Variants in SH3BP5 observed in about 807,000 individuals in gnomAD.
SH3BP5 encodes the protein SH3 domain-binding protein 5.
Under a neutral mutation model 43.3 loss-of-function variants are expected in SH3BP5, and 22 were observed. The ratio of observed to expected loss-of-function variants is 0.51; its 90% CI spans 0.36 to 0.73. The LOEUF (loss-of-function observed/expected upper bound fraction) is 0.73. SH3BP5 is among the 30% of genes least tolerant of loss of function. The probability of loss-of-function intolerance (pLI) is 0.00; values close to 1 mark genes in which losing one functional copy is unlikely to be tolerated. For synonymous variants in SH3BP5, 255 were observed against 225.8 expected, an observed-to-expected ratio of 1.13 and a Z score of -1.16; for missense variants, 529 against 586.9, an observed-to-expected ratio of 0.90 and a Z score of 1.02.
intron 3 of SH3BP5, among the ~76,000 whole-genome samples, chr3:15,271,073 AAATAT>A (rs1465974951): frequency 6.6e-6 from 1 of 151,728 alleles, no homozygotes; most frequent in African/African-American, 2.4e-5. Flanking sequence ...AAATTAAATT[AAATAT>A]ATTATTAAAA....
At chr3:15,334,385 A>G (rs1357120373), upstream of SH3BP5, among the ~76,000 whole-genome samples, 1 of 152,186 alleles carries the variant, frequency 6.6e-6, no homozygotes, top group Non-Finnish European at 1.5e-5. Flanking sequence ...CTAACCACAG[A>G]TAGAAAATAT....
intron 3 of SH3BP5, among the ~76,000 whole-genome samples, chr3:15,293,937 G>A (rs1396455343): frequency 6.6e-6 from 1 of 151,898 alleles, no homozygotes; most frequent in African/African-American, 2.4e-5. Flanking sequence ...AATTAGCCTG[G>A]TGTGGTGGTG....
rs916295660 is a variant in SH3BP5, at chr3:15,331,872, C to A, written c.138+399G>T. On this transcript the variant is annotated intron_variant, in intron 1 of 8. Transcript: ENST00000383791. ...ACCCGCCCACGGTGCCCGGCGCCCACGCGGGCGACACCTCCTCGCAGAGCC... is the reference window on the plus strand; with the variant it reads ...ACCCGCCCACGGTGCCCGGCGCCCAAGCGGGCGACACCTCCTCGCAGAGCC... 5.7e-5 allele frequency: 10 copies of A among 175,364 alleles called. 1 individual carries two copies. Among genetic ancestry groups the A allele is most frequent in the Non-Finnish European group, 9.6e-5 (8 of 83,380 alleles). 10.9% of individuals were successfully genotyped at this position (175,364 alleles called of 1,614,324 possible).
intron 4 of SH3BP5, among the ~76,000 whole-genome samples, chr3:15,266,446 CCT>C (rs1696648331): frequency 6.6e-6 from 1 of 152,250 alleles, no homozygotes; most frequent in Non-Finnish European, 1.5e-5. Context: ...TTTCCCTCTT[CCT>C]CTGTCTGAGC....
chr3:15,299,782 C>A (rs545310349), intron 3 of SH3BP5, among the ~76,000 whole-genome samples: 109 of 151,624 alleles, frequency 7.2e-4, no homozygotes, highest in South Asian at 4.2e-3. Flanking sequence ...TTTTAAGTAC[C>A]CTCAACTGAG....
At chr3:15,300,659 A>G (rs1447819629) in intron 3 of SH3BP5, among the ~76,000 whole-genome samples, 2 of 152,036 alleles carry the variant, frequency 1.3e-5, no homozygotes. Flanking sequence ...CAGAGATGAA[A>G]TGTGACATCT....
chr3:15,266,103 A>G (rs957233619), intron 4 of SH3BP5, among the ~76,000 whole-genome samples: 2 of 152,150 alleles, frequency 1.3e-5, no homozygotes, highest in African/African-American at 4.8e-5. Context: ...ATCTCTTCCA[A>G]CATCACAGAG....
At chr3:15,272,557 G>GGAGATTTGATGATACCTCA (rs1559432604) in intron 3 of SH3BP5, among the ~76,000 whole-genome samples, 1 of 101,932 alleles carries the variant, frequency 9.8e-6, no homozygotes, top group African/African-American at 5.0e-5. Context: ...AGTGCCTGTA[G>GGAGATTTGATGATACCTCA]GATAAAGACA....
rs377371475 is a variant in SH3BP5, at chr3:15,256,804, T to C, written c.1150+49A>G. The C allele has an allele frequency of 1.9e-6, 3 of 1,562,982 alleles. No individual in the cohort carries two copies. The East Asian group carries it at 6.8e-5, about 35-fold the overall frequency. On this transcript the variant is annotated intron_variant, in intron 8 of 8. Transcript: ENST00000383791. ...GTATGGAATGGCACAACAGTCAGGC[T>C]ACAGAGGCAGTGTGGCATCTGGGAC... is the stretch of plus-strand genomic sequence containing the variant.
intron 3 of SH3BP5, among the ~76,000 whole-genome samples, chr3:15,287,545 C>T (rs1697299461): frequency 1.3e-5 from 2 of 152,014 alleles, no homozygotes; most frequent in Non-Finnish European, 2.9e-5. Flanking sequence ...AGCCAGCCTC[C>T]ACGTGTGGCT....
chr3:15,322,025 T>C lies in SH3BP5; in HGVS notation c.201+8479A>G, dbSNP rs866847613. 4.3e-4 allele frequency among the ~76,000 whole-genome samples: 65 copies of C among 152,140 alleles called. No homozygotes were observed. In the Middle Eastern group the frequency reaches 0.031, roughly 72 times the overall value. On this transcript the variant is annotated intron_variant, in intron 2 of 8. Coordinates refer to ENST00000383791, the MANE Select transcript of SH3BP5 (RefSeq NM_004844.5). ...TTCGAGATCAGCTTGACCTACATAG[T>C]GAAACCCCGTCTCTACTAAAATACA...
chr3:15,328,418 T>TA (rs1559461689), intron 2 of SH3BP5, among the ~76,000 whole-genome samples: 2 of 142,548 alleles, frequency 1.4e-5, no homozygotes, highest in African/African-American at 2.5e-5. Context: ...ATCAATGCTT[T>TA]TAAAAAAAAA....
intron 3 of SH3BP5, among the ~76,000 whole-genome samples, chr3:15,291,890 C>T (rs546566174): frequency 6.6e-6 from 1 of 152,194 alleles, no homozygotes; most frequent in South Asian, 2.1e-4. Context: ...TCATAGAAGT[C>T]ACAACTGGAA....
chr3:15,278,536 G>C (rs1697034650), intron 3 of SH3BP5, among the ~76,000 whole-genome samples: 1 of 152,196 alleles, frequency 6.6e-6, no homozygotes, highest in Non-Finnish European at 1.5e-5. Context: ...GAGGACCAGA[G>C]ATAGAAACTG....
intron 3 of SH3BP5, among the ~76,000 whole-genome samples, chr3:15,281,541 TC>T (rs1559437575): frequency 6.6e-6 from 1 of 152,132 alleles, no homozygotes; most frequent in South Asian, 2.1e-4. Flanking sequence ...AGTTGCTCCC[TC>T]CCCCAGTCCT....
intron 3 of SH3BP5, among the ~76,000 whole-genome samples, chr3:15,279,769 T>C (rs528025599): frequency 6.6e-6 from 1 of 152,176 alleles, no homozygotes; most frequent in East Asian, 1.9e-4. Context: ...TGAGTCTGAC[T>C]CAAGGGTTTC....
At chr3:15,320,605 AACACAC>A (rs376414934) in intron 2 of SH3BP5, among the ~76,000 whole-genome samples, 104 of 126,956 alleles carry the variant, frequency 8.2e-4, no homozygotes, top group African/African-American at 2.4e-3. Flanking sequence ...ATCCAGCCAA[AACACAC>A]ACACACACAC....
chr3:15,259,825 G>C (rs780874243), intron 5 of SH3BP5, 22 bp from the exon 6 acceptor site: 41 of 1,607,792 alleles, frequency 2.6e-5, no homozygotes, highest in Non-Finnish European at 3.5e-5. Flanking sequence ...AGGAAGGAAA[G>C]CCATCAGAGT....
chr3:15,262,008 G>A, intron 5 of SH3BP5, 151 bp downstream of exon 5: 5 of 783,228 alleles, frequency 6.4e-6, no homozygotes, highest in Non-Finnish European at 1.0e-5. Flanking sequence ...TAGGGGGAAA[G>A]AGAGCCTGAG....
Sources: allele counts gnomAD v4.1 joint callset (sites outside exome capture counted in the v4.1 genomes callset), GRCh38; gene constraint gnomAD v4.1.1; transcripts MANE v1.5; gene names NCBI Gene and HGNC (gene_info 2026-07-23, HGNC 2026-07-21).